Variants in PSD2 observed in about 807,000 individuals in gnomAD.
The protein encoded by PSD2 is pleckstrin and Sec7 domain containing 2.
PSD2 carries 38 observed loss-of-function variants against 69.8 expected under a neutral mutation model. That is an observed-to-expected ratio of 0.54 (90% CI 0.42 to 0.71). The LOEUF (loss-of-function observed/expected upper bound fraction) is 0.71, where lower values mean the gene tolerates loss of function less well. Ranked by LOEUF, PSD2 falls within the 30% of genes least tolerant of loss-of-function variation. PSD2 has a pLI of 0.00. For missense variants in PSD2, 943 were observed against 1,014.5 expected (o/e 0.93, Z 0.96); for synonymous variants, 412 against 423.0 (o/e 0.97, Z 0.32).
the PSD2 span, among the ~76,000 whole-genome samples, chr5:139,750,107 C>T: frequency 6.6e-6 from 1 of 151,560 alleles, no homozygotes; most frequent in Admixed American, 6.6e-5. Context: ...GGGTGGATCA[C>T]GAGGTCAGGA....
intron 1 of PSD2, among the ~76,000 whole-genome samples, chr5:139,808,641 G>A (rs548958642): frequency 9.9e-5 from 15 of 152,210 alleles, no homozygotes; most frequent in Non-Finnish European, 2.1e-4. Context: ...GGGCCCGGGA[G>A]TGGAGGGGAA....
chr5:139,766,835 CTTTCTTTCTTTCTTTCTT>C, the PSD2 span, among the ~76,000 whole-genome samples: 3 of 138,106 alleles, frequency 2.2e-5, no homozygotes, highest in African/African-American at 8.4e-5. Context: ...TTCCTTCTTT[CTTTCTTTCTTTCTTTCTT>C]TCTTTCTTTC....
At chr5:139,830,555 TTCCTTCC>T (rs1229090445) in intron 7 of PSD2, among the ~76,000 whole-genome samples, 2 of 137,610 alleles carry the variant, frequency 1.5e-5, no homozygotes, top group African/African-American at 6.2e-5. Context: ...CCTTCCTTCC[TTCCTTCC>T]TTCCTTTCTT....
At chr5:139,842,119 C>T (rs962310457) in intron 14 of PSD2, 152 bp from the exon 15 acceptor site, 4 of 625,416 alleles carry the variant, frequency 6.4e-6, no homozygotes, top group Non-Finnish European at 8.2e-6. Flanking sequence ...GTGCATGTCC[C>T]TTGTTTATTT....
Position 139,821,937 on chromosome 5 carries a change from G to T in PSD2, c.1142G>T (p.Arg381Leu). 1 of 1,610,484 alleles carries T rather than the reference G, an allele frequency of 6.2e-7. No homozygotes were observed. Among genetic ancestry groups the T allele is most frequent in the Non-Finnish European group, 8.5e-7 (1 of 1,178,152 alleles). ...CCGCTGATGGGGGAGACACAAGAGC[G>T]TGAGCGGGTCCTCACACACTTCTCC... ...AFPLMGETQE[R>L]ERVLTHFSRR... The change falls in exon 6 of 15, where the codon CGT (arginine) becomes CTT (leucine). Residue 381 changes from arginine to leucine, a missense_variant. By Grantham distance (102) the Arg-to-Leu change is moderately radical. This residue lies in a region of PSD2 where 312 missense variants were observed against 400.7 expected (regional missense o/e 0.78). Coordinates refer to ENST00000274710, the MANE Select transcript of PSD2 (RefSeq NM_032289.4).
chr5:139,794,946 G>T (rs1034302264), upstream of PSD2, among the ~76,000 whole-genome samples: 15 of 152,262 alleles, frequency 9.9e-5, no homozygotes, highest in African/African-American at 3.6e-4. Context: ...GAGGGGGGCG[G>T]CTTCAGGGCC....
In PSD2 at chr5:139,813,704, G is replaced by A. The variant is rs3797903; in HGVS notation, c.767G>A (p.Gly256Glu). ...CATGAAGATGGCCCTCAGGGCCCAG[G>A]GGGGGATGAGGATGATGATGAGGAG... Reference protein sequence around the residue: ...GFHEDGPQGPGGDEDDDEEDT... With the variant: ...GFHEDGPQGPEGDEDDDEEDT... Residue 256 changes from glycine (G) to glutamate (E), a missense_variant, in exon 3 of 15, where the codon GGG becomes GAG. By Grantham distance (98) the Gly-to-Glu change is moderately conservative. Transcript: ENST00000274710. 435 of 1,613,502 alleles carry A rather than the reference G, an allele frequency of 2.7e-4. 9 individuals are homozygous for A. In the East Asian group the frequency reaches 9.0e-3, roughly 33 times the overall value.
the PSD2 span, among the ~76,000 whole-genome samples, chr5:139,788,811 C>T: frequency 6.6e-6 from 1 of 152,186 alleles, no homozygotes; most frequent in Admixed American, 6.5e-5. Context: ...CGGGCCTCGT[C>T]GCTGGGGGAG....
chr5:139,773,189 A>T, the PSD2 span, among the ~76,000 whole-genome samples: 1 of 152,118 alleles, frequency 6.6e-6, no homozygotes, highest in Non-Finnish European at 1.5e-5. Flanking sequence ...TCATTAAAAC[A>T]GTAACTCCCC....
At chr5:139,766,956 T>TCTTTCTTC in the PSD2 span, among the ~76,000 whole-genome samples, 4 of 136,346 alleles carry the variant, frequency 2.9e-5, no homozygotes, top group South Asian at 2.5e-4. Context: ...TTTCTTTCTT[T>TCTTTCTTC]CTTTCTTTCT....
At chr5:139,838,903 AC>A (rs1207311968) in intron 13 of PSD2, 131 bp downstream of exon 13, 24 of 965,622 alleles carry the variant, frequency 2.5e-5, no homozygotes, top group South Asian at 1.6e-4. Context: ...AGAGAAGGAC[AC>A]CTGTTCCCTC....
the PSD2 span, among the ~76,000 whole-genome samples, chr5:139,788,030 T>C: frequency 6.6e-6 from 1 of 152,194 alleles, no homozygotes; most frequent in East Asian, 1.9e-4. Context: ...GGATGACCCA[T>C]ATGACCTGTA....
chr5:139,765,684 G>A, the PSD2 span, among the ~76,000 whole-genome samples: 11 of 152,252 alleles, frequency 7.2e-5, no homozygotes, highest in Admixed American at 1.3e-4. Flanking sequence ...GGCGCGGCTG[G>A]GGAGAGGGTC....
chr5:139,767,120 G>A, the PSD2 span, among the ~76,000 whole-genome samples: 1 of 151,346 alleles, frequency 6.6e-6, no homozygotes, highest in East Asian at 1.9e-4. Flanking sequence ...AGCCTCCCGA[G>A]TAGCTGGGAC....
rs777974627 is a variant in PSD2, at chr5:139,809,655, G to C, written c.215G>C (p.Ser72Thr). ...KDPDVAFHGL[S>T]LGLSLTNGLA... ...CCAGATGTGGCCTTCCATGGCCTCAGCCTTGGCCTCTCTCTCACCAATGGC... is the reference window on the plus strand; with the variant it reads ...CCAGATGTGGCCTTCCATGGCCTCACCCTTGGCCTCTCTCTCACCAATGGC... The change falls in exon 2 of 15, where the codon AGC (serine) becomes ACC (threonine). Residue 72 changes from serine (S) to threonine (T), a missense_variant. Physicochemically the swap from Ser to Thr is moderately conservative, Grantham distance 58 (BLOSUM62 1). This residue lies in a region of PSD2 where 466 missense variants were observed against 445.0 expected (regional missense o/e 1.05). Transcript: ENST00000274710. 2.5e-6 allele frequency: 4 copies of C among 1,614,164 alleles called. No homozygotes were observed. The highest frequency in any genetic ancestry group is 3.4e-6 in the Non-Finnish European group (4 of 1,180,056).
the PSD2 span, among the ~76,000 whole-genome samples, chr5:139,764,806 T>C: frequency 6.6e-6 from 1 of 152,062 alleles, no homozygotes; most frequent in Admixed American, 6.5e-5. Context: ...CTGTCCTCTG[T>C]CTATGAGCAG....
intron 1 of PSD2, among the ~76,000 whole-genome samples, chr5:139,807,495 G>A (rs1394700106): frequency 1.3e-5 from 2 of 152,140 alleles, no homozygotes; most frequent in South Asian, 2.1e-4. Flanking sequence ...TCCTCACTCA[G>A]TGCTCAACCT....
the PSD2 span, among the ~76,000 whole-genome samples, chr5:139,749,350 G>A: frequency 6.6e-6 from 1 of 152,194 alleles, no homozygotes; most frequent in African/African-American, 2.4e-5. Context: ...ACTGATTTGG[G>A]TGTGTTGTCC....
At chr5:139,747,480 T>C in the PSD2 span, among the ~76,000 whole-genome samples, 5 of 152,092 alleles carry the variant, frequency 3.3e-5, no homozygotes, top group Non-Finnish European at 5.9e-5. The surrounding 1 kb of genome is among the most constrained non-coding windows in gnomAD (Gnocchi z 6.7). Flanking sequence ...TGTCCCTCCC[T>C]CTGGGCTCGT....
Sources: allele counts gnomAD v4.1 joint callset (sites outside exome capture counted in the v4.1 genomes callset), GRCh38; gene constraint gnomAD v4.1.1; regional missense constraint gnomAD v4.1.1; non-coding constraint Gnocchi (gnomAD v3.1); transcripts MANE v1.5; gene names NCBI Gene and HGNC (gene_info 2026-07-23, HGNC 2026-07-21).